SERPINA12: variants seen among roughly 807,000 people sequenced by gnomAD.
SERPINA12 encodes the protein serpin A12.
In SERPINA12, 21 loss-of-function variants were observed where a neutral mutation model predicts 25.9. The observed-to-expected ratio is 0.81, with a 90% confidence interval of 0.58 to 1.17. SERPINA12 has a LOEUF of 1.17. SERPINA12 is among the 50% of genes most tolerant of loss of function. The pLI, the probability that SERPINA12 is intolerant of heterozygous loss-of-function variation, is 0.00. For missense variants in SERPINA12, 562 were observed against 508.3 expected (o/e 1.11, Z -1.02); for synonymous variants, 220 against 196.0 (o/e 1.12, Z -1.02).
chr14:94,505,550 G>A (rs2139861316), intron 1 of SERPINA12, among the ~76,000 whole-genome samples: 1 of 152,332 alleles, frequency 6.6e-6, no homozygotes, highest in East Asian at 1.9e-4. Flanking sequence ...AGACCAAGGA[G>A]TACAGGTGGT....
intron 3 of SERPINA12, among the ~76,000 whole-genome samples, chr14:94,493,781 G>T (rs150583881): frequency 6.0e-4 from 91 of 152,316 alleles, no homozygotes; most frequent in African/African-American, 1.9e-3. Context: ...AGGAAGTCTG[G>T]CACTAGCCTA....
intron 2 of SERPINA12, 24 bp from the exon 3 acceptor site, chr14:94,496,667 G>T: frequency 6.2e-7 from 1 of 1,608,742 alleles, no homozygotes; most frequent in Non-Finnish European, 8.5e-7. Context: ...AAGACAAACA[G>T]ACATGTTATC....
chr14:94,515,767 T>A (rs1280137447), intron 2 of SERPINA12: 2 of 152,100 alleles, frequency 1.3e-5, no homozygotes, highest in Non-Finnish European at 2.9e-5. Flanking sequence ...GGAAATGCTG[T>A]GGATTTTGAG....
rs938179963 is a variant in SERPINA12 at position 94,497,987 on chromosome 14, C to T, written c.411G>A (p.Thr137=). The change falls in exon 2 of 5, where the codon ACG becomes ACA. Residue 137 remains threonine (T), a synonymous_variant. Coordinates refer to ENST00000677451, the MANE Select transcript of SERPINA12 (RefSeq NM_001382267.1). ...GCTGCAGCCTCTGGTCAATGAACAG[C>T]GTGTTCCCAATGCTCAGTTTGAGGT... ...TQDLKLSIGN[T]LFIDQRLQPQ... The T allele has an allele frequency of 7.4e-6, 12 of 1,614,140 alleles. No individual in the cohort carries two copies. The highest frequency in any genetic ancestry group is 4.5e-5 in the East Asian group (2 of 44,884).
intron 1 of SERPINA12, among the ~76,000 whole-genome samples, chr14:94,498,742 G>A (rs181098356): frequency 1.9e-4 from 29 of 152,262 alleles, no homozygotes; most frequent in African/African-American, 6.0e-4. Flanking sequence ...AGGATACCCC[G>A]TAGTGTAGGC....
chr14:94,489,782 C>A lies in SERPINA12; in HGVS notation c.906-15G>T, dbSNP rs778888180. 6.2e-7 allele frequency: 1 copy of A among 1,612,430 alleles called. No individual in the cohort carries two copies. Among genetic ancestry groups the A allele is most frequent in the Middle Eastern group, 1.7e-4 (1 of 6,028 alleles). ...CGTCTACGACCCTGGGGAATTGACA[C>A]GACAAGGGTGAGTGGTCAAGTCCTG... On this transcript the variant is annotated splice_polypyrimidine_tract_variant and intron_variant, in intron 3 of 4. Transcript: ENST00000677451.
At chr14:94,496,010 A>G (rs1385514770) in intron 3 of SERPINA12, among the ~76,000 whole-genome samples, 1 of 152,162 alleles carries the variant, frequency 6.6e-6, no homozygotes, top group Non-Finnish European at 1.5e-5. Flanking sequence ...CACAACTCAC[A>G]GCTCTCTTTT....
upstream of SERPINA12, chr14:94,510,054 C>T (rs77607606): frequency 1.3e-4 from 127 of 985,456 alleles, no homozygotes; most frequent in Middle Eastern, 5.2e-4. Flanking sequence ...AGCTCTGGGA[C>T]GTCTCAGGGC....
chr14:94,497,191 T>A (rs1254201530), intron 2 of SERPINA12, among the ~76,000 whole-genome samples: 1 of 152,182 alleles, frequency 6.6e-6, no homozygotes, highest in Non-Finnish European at 1.5e-5. Context: ...TTGGAAACAT[T>A]CTTCCATCTT....
chr14:94,489,766 C>A lies in SERPINA12; in HGVS notation c.907G>T (p.Val303Phe). The change falls in exon 4 of 5, where the codon GTC becomes TTC. Residue 303 changes from valine (V) to phenylalanine (F), a missense_variant and splice_region_variant. Physicochemically the swap from Val to Phe is conservative, Grantham distance 50 (BLOSUM62 -1). Transcript: ENST00000677451. The stretch of plus-strand genomic sequence containing the variant: ...AGTCTGGGTACAGACACGTCTACGA[C>A]CCTGGGGAATTGACACGACAAGGGT... Reference protein sequence around the residue: ...SRWKTLLSRRVVDVSVPRLHM... With the variant: ...SRWKTLLSRRFVDVSVPRLHM... 1.2e-6 allele frequency: 2 copies of A among 1,613,766 alleles called. No individual in the cohort carries two copies. Among genetic ancestry groups the A allele is most frequent in the East Asian group, 2.2e-5 (1 of 44,868 alleles).
chr14:94,513,691 A>C (rs1352764987), upstream of SERPINA12, among the ~76,000 whole-genome samples: 1 of 152,202 alleles, frequency 6.6e-6, no homozygotes, highest in Non-Finnish European at 1.5e-5. Context: ...GGCTGGACCA[A>C]TGGCTTTCAT....
chr14:94,489,541 A>T, intron 4 of SERPINA12, 79 bp downstream of exon 4: 1 of 1,512,598 alleles, frequency 6.6e-7, no homozygotes, highest in Non-Finnish European at 8.9e-7. Flanking sequence ...TCTGACAGCC[A>T]CTGTGACCCT....
chr14:94,506,160 G>C (rs1227336611), intron 1 of SERPINA12, among the ~76,000 whole-genome samples: 1 of 152,202 alleles, frequency 6.6e-6, no homozygotes, highest in Non-Finnish European at 1.5e-5. Context: ...ATTGTTATAA[G>C]TTAATGGGCC....
In SERPINA12 at chr14:94,488,823, G is replaced by A. The variant is rs374517179; in HGVS notation, c.1053+797C>T. The stretch of plus-strand genomic sequence containing the variant: ...ATATGAAACATGTGGCCTTGGGCGC[G>A]GTGGCTCACGCCTGTAATCCCAGCA... On this transcript the variant is annotated intron_variant, in intron 4 of 4. Transcript: ENST00000677451. Among the ~76,000 whole-genome samples, 7 of 152,282 alleles carry A rather than the reference G, an allele frequency of 4.6e-5. No individual in the cohort carries two copies. In the South Asian group the frequency reaches 6.2e-4, roughly 14 times the overall value.
chr14:94,493,479 C>G (rs911371613), intron 3 of SERPINA12, among the ~76,000 whole-genome samples: 3 of 152,182 alleles, frequency 2.0e-5, no homozygotes, highest in African/African-American at 7.2e-5. Flanking sequence ...AAAGCAGTCC[C>G]AGAGGGATGG....
At chr14:94,500,754 A>T (rs1489988276) in intron 1 of SERPINA12, 1 of 583,528 alleles carries the variant, frequency 1.7e-6, no homozygotes, top group East Asian at 1.4e-4. Flanking sequence ...CTTAAGAGAA[A>T]CCGGGGCTGG....
chr14:94,510,293 A>C, upstream of SERPINA12: 1 of 983,914 alleles, frequency 1.0e-6, no homozygotes, highest in South Asian at 4.7e-5. Context: ...CATTCAAGCC[A>C]GATCTAGATG....
chr14:94,507,230 A>G (rs1006990170), intron 1 of SERPINA12, among the ~76,000 whole-genome samples: 4 of 152,362 alleles, frequency 2.6e-5, no homozygotes, highest in African/African-American at 7.2e-5. Context: ...GGTCTTTAAT[A>G]TTTTTTAACC....
At chr14:94,491,655 A>G (rs183837398) in intron 3 of SERPINA12, among the ~76,000 whole-genome samples, 22 of 152,124 alleles carry the variant, frequency 1.4e-4, no homozygotes, top group Non-Finnish European at 2.2e-4. Context: ...GACAGACTGA[A>G]TGAGGCATTT....
Sources: gnomAD v4.1 joint callset for allele counts (sites outside exome capture counted in the v4.1 genomes callset) on GRCh38, gnomAD v4.1.1 for gene constraint, MANE v1.5 for transcripts, NCBI Gene and HGNC (gene_info 2026-07-23, HGNC 2026-07-21) for gene names.